The following SEC23B variants were observed in gnomAD, a reference collection of about 807,000 sequenced individuals.
The protein encoded by SEC23B is protein transport protein Sec23B.
A neutral mutation model predicts 104.3 loss-of-function variants in SEC23B; 77 were observed. The ratio of observed to expected loss-of-function variants is 0.74; its 90% CI spans 0.61 to 0.89. The LOEUF is 0.89. Ranked by LOEUF, SEC23B falls within the 40% of genes least tolerant of loss-of-function variation. The pLI is 0.00. For missense variants in SEC23B, 885 were observed against 949.4 expected, an observed-to-expected ratio of 0.93 and a Z score of 0.89; for synonymous variants, 338 against 332.5, an observed-to-expected ratio of 1.02 and a Z score of -0.18.
At chr20:18,540,903 G>A (rs899757957) in intron 12 of SEC23B, among the ~76,000 whole-genome samples, 2 of 152,202 alleles carry the variant, frequency 1.3e-5, no homozygotes, top group Non-Finnish European at 2.9e-5. Context: ...TAACAAGAGA[G>A]TCAACCTGCC....
In SEC23B at chr20:18,523,397, C is replaced by CTTTTTT. The variant is rs112136906; in HGVS notation, c.367-1025_367-1020dup. Among the ~76,000 whole-genome samples the CTTTTTT allele has an allele frequency of 6.0e-4, 78 of 130,564 alleles. 1 individual carries two copies. The highest frequency in any genetic ancestry group is 8.5e-4 in the Non-Finnish European group (54 of 63,828). 85.7% of individuals were successfully genotyped at this position (130,564 alleles called of 152,430 possible). On this transcript the variant is annotated intron_variant, in intron 4 of 19. Transcript: ENST00000650089. ...TTCTCTTTCTTTGTTTCTTTCCTTT[C>CTTTTTT]TTTTTTTTTTTTTTTTCTTTTTTTA... is the stretch of plus-strand genomic sequence containing the variant.
At chr20:18,534,696 T>A (rs901396008) in intron 11 of SEC23B, among the ~76,000 whole-genome samples, 6 of 152,254 alleles carry the variant, frequency 3.9e-5, no homozygotes, top group Non-Finnish European at 5.9e-5. Flanking sequence ...TTGATCTTCA[T>A]GCAAATCAGT....
At chr20:18,541,574 T>C (rs945355269) in intron 12 of SEC23B, among the ~76,000 whole-genome samples, 5 of 152,176 alleles carry the variant, frequency 3.3e-5, no homozygotes, top group African/African-American at 1.2e-4. Flanking sequence ...TCTCAGGAAA[T>C]AGGGGAGGCC....
intron 9 of SEC23B, among the ~76,000 whole-genome samples, chr20:18,528,632 T>C (rs985739770): frequency 1.1e-4 from 16 of 152,190 alleles, no homozygotes; most frequent in Admixed American, 2.0e-4. Context: ...CCAGAATCAG[T>C]TGGAGTTGTC....
Position 18,556,136 on chromosome 20 carries a change from T to C in SEC23B, c.2214+963T>C, listed in dbSNP as rs569310709. ...ATGGGAGGTGGAGCTCAGGTGGTAA[T>C]GCACGTGATGGGGGAGCAGCTGTAA... On this transcript the variant is annotated intron_variant, in intron 19 of 19. Transcript: ENST00000650089. Among the ~76,000 whole-genome samples, 3 of 152,170 alleles carry C rather than the reference T, an allele frequency of 2.0e-5. No homozygotes were observed. The South Asian group carries it at 6.2e-4, about 32-fold the overall frequency.
Position 18,542,972 on chromosome 20 carries a change from C to T in SEC23B, c.1512-47C>T, listed in dbSNP as rs756538428. On this transcript the variant is annotated intron_variant, in intron 13 of 19. Coordinates refer to ENST00000650089, the MANE Select transcript of SEC23B (RefSeq NM_006363.6). ...TTTTTCTGAATGGATGTCTGGCTTT[C>T]TGATCTCTCCTAAACATAAGCATGG... is the stretch of plus-strand genomic sequence containing the variant. The T allele has an allele frequency of 4.3e-6, 7 of 1,612,260 alleles. No homozygotes were observed. The African/African-American group carries it at 6.7e-5, about 15-fold the overall frequency.
At position 18,526,363 on chromosome 20, in the gene SEC23B, G is replaced by A. The variant is rs1235550872; in HGVS notation, c.835-10G>A. 25 of 1,613,928 alleles carry A rather than the reference G, an allele frequency of 1.5e-5. No homozygotes were observed. Among genetic ancestry groups the A allele is most frequent in the Non-Finnish European group, 1.9e-5 (23 of 1,179,874 alleles). ...GTATACTTCTAACATGCTGCCATTCGCTATTTTAGGGCACTTTTCCAAACA... is the reference window on the plus strand; with the variant it reads ...GTATACTTCTAACATGCTGCCATTCACTATTTTAGGGCACTTTTCCAAACA... On this transcript the variant is annotated splice_polypyrimidine_tract_variant and intron_variant, in intron 7 of 19. Coordinates refer to ENST00000650089, the MANE Select transcript of SEC23B (RefSeq NM_006363.6).
In SEC23B at chr20:18,554,250, C is replaced by T. The variant is rs752037101; in HGVS notation, c.2008C>T (p.Arg670Cys). The change falls in exon 18 of 20, where the codon CGT (arginine) becomes TGT (cysteine). Residue 670 changes from arginine to cysteine, a missense_variant. Coordinates refer to ENST00000650089, the MANE Select transcript of SEC23B (RefSeq NM_006363.6). ...TTCTGTGTAGACCATAGCCCAGTGG[C>T]GTAAAGCTGGCTACCAGGACATGCC... The part of the protein sequence containing the change: ...IYLGETIAQW[R>C]KAGYQDMPEY... 29 of 1,614,008 alleles carry T rather than the reference C, an allele frequency of 1.8e-5. No individual in the cohort carries two copies. The East Asian group carries it at 3.6e-4, about 20-fold the overall frequency.
rs1555792439 is a variant in SEC23B at position 18,560,108 on chromosome 20, G to GTA, written c.2215-529_2215-528dup. Among the ~76,000 whole-genome samples the GTA allele has an allele frequency of 3.2e-3, 487 of 150,980 alleles. 5 individuals carry two copies. In the South Asian group the frequency reaches 0.041, roughly 13 times the overall value. On this transcript the variant is annotated intron_variant, in intron 19 of 19. Transcript: ENST00000650089. ...GTAAAGTGTATTATTGTGTGTGTGT[G>GTA]TATATATATATATATTTTTAATTTC...
At position 18,523,535 on chromosome 20, in the gene SEC23B, T is replaced by C. The variant is rs553717202; in HGVS notation, c.367-898T>C. Among the ~76,000 whole-genome samples, 6 of 151,652 alleles carry C rather than the reference T, an allele frequency of 4.0e-5. No individual in the cohort carries two copies. In the East Asian group the frequency reaches 7.8e-4, roughly 20 times the overall value. ...CTCCTGCCTCAGCCTCCCAAGTAGC[T>C]GGGATTACAGGTGAACCCCACTACG... On this transcript the variant is annotated intron_variant, in intron 4 of 19. Coordinates refer to ENST00000650089, the MANE Select transcript of SEC23B (RefSeq NM_006363.6).
chr20:18,560,590 C>A, intron 19 of SEC23B, 61 bp from the exon 20 acceptor site: 1 of 1,326,090 alleles, frequency 7.5e-7, no homozygotes. Context: ...TGCTTGACAG[C>A]TCATGAATTC....
rs139940939 is a variant in SEC23B, at chr20:18,556,928, G to A, written c.2214+1755G>A. ...GGAGAATTGCCTGAACCCAGGAGGCGGAGGTTGCAGTAAGCTGAGATCACG... is the reference window on the plus strand; with the variant it reads ...GGAGAATTGCCTGAACCCAGGAGGCAGAGGTTGCAGTAAGCTGAGATCACG... On this transcript the variant is annotated intron_variant, in intron 19 of 19. Transcript: ENST00000650089. Among the ~76,000 whole-genome samples, 1,363 of 152,274 alleles carry A rather than the reference G, an allele frequency of 9.0e-3. 23 individuals carry two copies. The highest frequency in any genetic ancestry group is 0.031 in the African/African-American group (1,291 of 41,566).
chr20:18,524,955 G>A lies in SEC23B; in HGVS notation c.624G>A (p.Lys208=), dbSNP rs2060121536. The change falls in exon 6 of 20, where the codon AAG becomes AAA. Residue 208 remains lysine (K), a synonymous_variant. Transcript: ENST00000650089. ...TTAAGGATATGTTGGGCCTGACCAA[G>A]CCAGCCATGCCCATGCAGCAAGCAC... ...KQIQDMLGLT[K]PAMPMQQARP... is the part of the protein sequence containing the mutation. 6.2e-7 allele frequency: 1 copy of A among 1,613,702 alleles called. No individual in the cohort carries two copies. Among genetic ancestry groups the A allele is most frequent in the Middle Eastern group, 1.6e-4 (1 of 6,062 alleles).
Position 18,560,794 on chromosome 20 carries a change from A to C in SEC23B, c.*54A>C. The C allele has an allele frequency of 7.5e-7, 1 of 1,338,802 alleles. No individual in the cohort carries two copies. 82.9% of individuals were successfully genotyped at this position (1,338,802 alleles called of 1,614,324 possible). A position where few individuals can be genotyped will look rare whatever the true frequency, so the allele number is the denominator to read the frequency against. On this transcript the variant is annotated 3_prime_UTR_variant, in exon 20 of 20. Coordinates refer to ENST00000650089, the MANE Select transcript of SEC23B (RefSeq NM_006363.6). The stretch of plus-strand genomic sequence containing the variant: ...GTGTCAGATTGTGTTCAAAATGTCT[A>C]GAAAGGCTTGATAACATTCCTGTTA...
chr20:18,554,448 G>A (rs1330443509), intron 18 of SEC23B, 58 bp downstream of exon 18: 24 of 1,559,232 alleles, frequency 1.5e-5, no homozygotes, highest in East Asian at 2.2e-5. Context: ...GATTGTTATT[G>A]CTATACATCT....
rs375583612 is a variant in SEC23B, at chr20:18,552,314, C to G, written c.1992+1139C>G. 1.6e-3 allele frequency among the ~76,000 whole-genome samples: 251 copies of G among 152,248 alleles called. 2 individuals are homozygous for G. Among genetic ancestry groups the G allele is most frequent in the African/African-American group, 5.6e-3 (233 of 41,524 alleles). ...TTAAACTTTTTTCAGCATGTTAACA[C>G]CCAGTCTGCTAGCCACTTGCACGCA... On this transcript the variant is annotated intron_variant, in intron 17 of 19. Coordinates refer to ENST00000650089, the MANE Select transcript of SEC23B (RefSeq NM_006363.6).
intron 17 of SEC23B, among the ~76,000 whole-genome samples, chr20:18,551,412 CAT>C (rs1316352993): frequency 3.3e-5 from 5 of 152,022 alleles, no homozygotes; most frequent in African/African-American, 1.2e-4. Flanking sequence ...TAATTTTAAT[CAT>C]ATTTGCTGTT....
Position 18,515,371 on chromosome 20 carries a change from C to T in SEC23B, c.280-279C>T, listed in dbSNP as rs148529936. Reference sequence around the variant, plus strand: ...TGTTTCCCAGGCTGGAGTGCAGTGGCGCAATCATGGCTCACTGCAGCCTTA... The same window carrying T: ...TGTTTCCCAGGCTGGAGTGCAGTGGTGCAATCATGGCTCACTGCAGCCTTA... On this transcript the variant is annotated intron_variant, in intron 3 of 19. Transcript: ENST00000650089. Among the ~76,000 whole-genome samples the T allele has an allele frequency of 5.4e-4, 82 of 152,036 alleles. No homozygotes were observed. The East Asian group carries it at 5.8e-3, about 11-fold the overall frequency.
intron 12 of SEC23B, among the ~76,000 whole-genome samples, chr20:18,539,098 A>G (rs2060263341): frequency 6.6e-6 from 1 of 151,260 alleles, no homozygotes; most frequent in South Asian, 2.1e-4. Context: ...CTATAATCCC[A>G]GCTACTCAGG....
Sources: gnomAD v4.1 joint callset for allele counts (sites outside exome capture counted in the v4.1 genomes callset) on GRCh38, gnomAD v4.1.1 for gene constraint, MANE v1.5 for transcripts, NCBI Gene and HGNC (gene_info 2026-07-23, HGNC 2026-07-21) for gene names.